Variants in ZNF30 observed in about 807,000 individuals in gnomAD.
ZNF30 encodes zinc finger protein 30 (KOX 28).
Under a neutral mutation model 13.2 loss-of-function variants are expected in ZNF30, and 15 were observed. The ratio of observed to expected loss-of-function variants is 1.13; its 90% CI spans 0.76 to 1.75. The LOEUF is 1.75. Ranked by LOEUF, ZNF30 falls within the 40% of genes most tolerant of loss-of-function variation. The pLI, the probability that ZNF30 is intolerant of heterozygous loss-of-function variation, is 0.00. For synonymous variants in ZNF30, 223 were observed against 256.6 expected (o/e 0.87, Z 1.25); for missense variants, 726 against 757.0 (o/e 0.96, Z 0.48).
chr19:34,928,238 TATATATATATATATATAG>T (rs1298455194), intron 1 of ZNF30, among the ~76,000 whole-genome samples: 10 of 63,644 alleles, frequency 1.6e-4, no homozygotes, highest in African/African-American at 2.9e-4. Flanking sequence ...TATATATATA[TATATATATATATATATAG>T]ATAGATAGAT....
At chr19:34,942,309 G>T (rs2013084679) in intron 4 of ZNF30, among the ~76,000 whole-genome samples, 1 of 151,996 alleles carries the variant, frequency 6.6e-6, no homozygotes, top group Non-Finnish European at 1.5e-5. Flanking sequence ...GCTGGACATG[G>T]TGGCACACAC....
intron 3 of ZNF30, 25 bp downstream of exon 3, chr19:34,932,018 T>G (rs777929544): frequency 1.9e-6 from 3 of 1,546,996 alleles, no homozygotes; most frequent in Admixed American, 4.4e-5. Context: ...CTCAAATAAT[T>G]GAGAATCTGC....
In ZNF30 at chr19:34,933,727, A is replaced by G; in HGVS notation, c.256+4A>G. ...GATGGAAGAAGATGGTGCACAGGTG[A>G]GTAAGAGCATGGCAGGTAGGGAGGC... is the stretch of plus-strand genomic sequence containing the variant. On this transcript the variant is annotated splice_donor_region_variant and intron_variant, in intron 4 of 4. Coordinates refer to ENST00000601142, the MANE Select transcript of ZNF30 (RefSeq NM_194325.3). The G allele has an allele frequency of 6.4e-7, 1 of 1,570,540 alleles. No homozygotes were observed. The highest frequency in any genetic ancestry group is 8.7e-7 in the Non-Finnish European group (1 of 1,155,158).
intron 3 of ZNF30, among the ~76,000 whole-genome samples, chr19:34,932,463 A>G (rs758004901): frequency 3.2e-4 from 49 of 152,192 alleles, no homozygotes; most frequent in Non-Finnish European, 6.6e-4. Flanking sequence ...TCTATATCCT[A>G]TAGATATAGA....
intron 4 of ZNF30, among the ~76,000 whole-genome samples, chr19:34,937,678 GA>G (rs2012814220): frequency 6.6e-6 from 1 of 151,826 alleles, no homozygotes; most frequent in Non-Finnish European, 1.5e-5. Context: ...AGGCTGCAGT[GA>G]GTCTGCGCTC....
chr19:34,933,350 G>C (rs990170683), intron 3 of ZNF30, among the ~76,000 whole-genome samples: 18 of 152,022 alleles, frequency 1.2e-4, no homozygotes, highest in Middle Eastern at 3.2e-3. Context: ...CTACTCGGGA[G>C]GCTGAGGTGG....
intron 3 of ZNF30, among the ~76,000 whole-genome samples, chr19:34,933,356 G>A (rs1052041233): frequency 6.6e-6 from 1 of 152,046 alleles, no homozygotes; most frequent in Non-Finnish European, 1.5e-5. Flanking sequence ...GGGAGGCTGA[G>A]GTGGGAGAAT....
Position 34,928,717 on chromosome 19 carries a change from C to T in ZNF30, c.-64-1167C>T, listed in dbSNP as rs773111736. On this transcript the variant is annotated intron_variant, in intron 1 of 4. Coordinates refer to ENST00000601142, the MANE Select transcript of ZNF30 (RefSeq NM_194325.3). ...GCGTGGTGGTGGGCACCTGTAATCC[C>T]AGCTACTTGGGAGGCTCCCAGGAGG... is the stretch of plus-strand genomic sequence containing the variant. Among the ~76,000 whole-genome samples the T allele has an allele frequency of 7.9e-5, 12 of 152,008 alleles. No homozygotes were observed. In the East Asian group the frequency reaches 2.3e-3, roughly 30 times the overall value.
At chr19:34,925,937 T>G (rs552469363), upstream of ZNF30, among the ~76,000 whole-genome samples, 105 of 152,266 alleles carry the variant, frequency 6.9e-4, no homozygotes, top group African/African-American at 2.5e-3. Flanking sequence ...TTTGGGAGGC[T>G]GAGGCGGGTG....
In ZNF30 at chr19:34,931,740, A is replaced by C. The variant is rs145090170; in HGVS notation, c.10-103A>C. On this transcript the variant is annotated intron_variant, in intron 2 of 4. Transcript: ENST00000601142. Reference sequence around the variant, plus strand: ...ATGCTCATCCACTTGCCACATCATAAGCTTCCAGCCTATGTGATTGTTATG... The same window carrying C: ...ATGCTCATCCACTTGCCACATCATACGCTTCCAGCCTATGTGATTGTTATG... 563 of 1,200,754 alleles carry C rather than the reference A, an allele frequency of 4.7e-4. 14 individuals carry two copies. In the African/African-American group the frequency reaches 7.7e-3, roughly 16 times the overall value. 74.4% of individuals were successfully genotyped at this position (1,200,754 alleles called of 1,614,324 possible).
At chr19:34,939,954 G>A in intron 4 of ZNF30, among the ~76,000 whole-genome samples, 1 of 152,192 alleles carries the variant, frequency 6.6e-6, no homozygotes, top group East Asian at 1.9e-4. Flanking sequence ...TTATAAAAAG[G>A]TGTAGTAGAG....
chr19:34,936,071 A>G (rs111315653), intron 4 of ZNF30, among the ~76,000 whole-genome samples: 1,853 of 152,280 alleles, frequency 0.012, 37 homozygotes, highest in African/African-American at 0.042. Context: ...CCATGATTCA[A>G]TTATCTCCCA....
At chr19:34,925,485 G>T, upstream of ZNF30, among the ~76,000 whole-genome samples, 1 of 152,314 alleles carries the variant, frequency 6.6e-6, no homozygotes, top group Non-Finnish European at 1.5e-5. Flanking sequence ...TGGCCTGCCC[G>T]CGTGCCAGCG....
At chr19:34,928,220 A>AATATATATATATAT (rs374649415) in intron 1 of ZNF30, among the ~76,000 whole-genome samples, 30 of 73,360 alleles carry the variant, frequency 4.1e-4, no homozygotes, top group South Asian at 5.0e-4. Flanking sequence ...AAAAAAAAAA[A>AATATATATATATAT]ATATATATAT....
chr19:34,926,109 G>A (rs1345857143), upstream of ZNF30, among the ~76,000 whole-genome samples: 1 of 152,238 alleles, frequency 6.6e-6, no homozygotes, highest in Non-Finnish European at 1.5e-5. Context: ...GGGAGGCAGA[G>A]GTTACAGTAA....
Position 34,944,417 on chromosome 19 carries a change from A to G in ZNF30, c.1451A>G (p.Tyr484Cys), listed in dbSNP as rs779162856. ...HRKIHTDVKP[Y>C]ECKECGKTFS... ...AAAATTCATACTGATGTAAAGCCCT[A>G]TGAATGTAAGGAATGTGGAAAGACT... Residue 484 changes from tyrosine (Y) to cysteine (C), a missense_variant, in exon 5 of 5, where the codon TAT (tyrosine) becomes TGT (cysteine). By Grantham distance (194) the Tyr-to-Cys change is radical (BLOSUM62 -2). Coordinates refer to ENST00000601142, the MANE Select transcript of ZNF30 (RefSeq NM_194325.3). 4.3e-6 allele frequency: 7 copies of G among 1,613,984 alleles called. No homozygotes were observed. The highest frequency in any genetic ancestry group is 2.2e-5 in the South Asian group (2 of 91,078).
chr19:34,927,374 T>TA, intron 1 of ZNF30, 158 bp downstream of exon 1: 1 of 198,576 alleles, frequency 5.0e-6, no homozygotes. Flanking sequence ...CTATTTTGGA[T>TA]AAAATCACTG....
intron 1 of ZNF30, among the ~76,000 whole-genome samples, chr19:34,928,237 A>C (rs1306883267): frequency 3.9e-5 from 3 of 75,964 alleles, no homozygotes; most frequent in East Asian, 5.6e-4. Context: ...ATATATATAT[A>C]TATATATATA....
At chr19:34,936,546 T>C (rs2012751435) in intron 4 of ZNF30, among the ~76,000 whole-genome samples, 1 of 152,080 alleles carries the variant, frequency 6.6e-6, no homozygotes, top group Non-Finnish European at 1.5e-5. Flanking sequence ...AGATGCCAAG[T>C]GGGCTGTGGA....
Sources: gnomAD v4.1 joint callset for allele counts (sites outside exome capture counted in the v4.1 genomes callset) on GRCh38, gnomAD v4.1.1 for gene constraint, MANE v1.5 for transcripts, NCBI Gene and HGNC (gene_info 2026-07-23, HGNC 2026-07-21) for gene names.